The following VAV1 variants were observed in gnomAD, a reference collection of about 807,000 sequenced individuals.
The protein encoded by VAV1 is proto-oncogene vav.
Under a neutral mutation model 128.1 loss-of-function variants are expected in VAV1, and 33 were observed. The observed-to-expected ratio is 0.26, with a 90% CI of 0.20 to 0.34. The LOEUF (loss-of-function observed/expected upper bound fraction) is 0.34, where lower values mean the gene tolerates loss of function less well. Ranked by LOEUF, VAV1 falls within the 10% of genes least tolerant of loss-of-function variation. The pLI is 1.00. For synonymous variants in VAV1, 394 were observed against 409.8 expected (o/e 0.96, Z 0.47); for missense variants, 715 against 1,093.7 (o/e 0.65, Z 4.88).
At chr19:6,831,458 C>T (rs3786687) in intron 14 of VAV1, among the ~76,000 whole-genome samples, 21,646 of 152,008 alleles carry the variant, frequency 0.14, 1,705 homozygotes, top group South Asian at 0.21. Context: ...ATTACAGGTG[C>T]CCGCCACCAC....
intron 23 of VAV1, among the ~76,000 whole-genome samples, chr19:6,849,092 T>TA (rs1053059733): frequency 1.7e-4 from 15 of 87,574 alleles, no homozygotes; most frequent in African/African-American, 1.0e-3. Context: ...CACCTATATA[T>TA]TTTTTTTTTC....
rs771801566 is a variant in VAV1, at chr19:6,836,507, G to T, written c.1853G>T (p.Arg618Leu). 1.2e-6 allele frequency: 2 copies of T among 1,613,862 alleles called. No homozygotes were observed. The highest frequency in any genetic ancestry group is 1.3e-5 in the African/African-American group (1 of 74,848). ...PPPGAIGPFL[R>L]LNPGDIVELT... ...CCTGGAGCCATTGGACCCTTTCTAC[G>T]GCTCAACCCTGGAGACATTGTGGAG... Residue 618 changes from arginine (R) to leucine (L), a missense_variant, in exon 20 of 27, where the codon CGG becomes CTG. Coordinates refer to ENST00000602142, the MANE Select transcript of VAV1 (RefSeq NM_005428.4).
At chr19:6,802,801 CG>C (rs913293929) in intron 1 of VAV1, among the ~76,000 whole-genome samples, 4 of 152,080 alleles carry the variant, frequency 2.6e-5, no homozygotes, top group African/African-American at 7.2e-5. Context: ...CTGTGTGGTC[CG>C]GGATGGGCAG....
chr19:6,783,944 GGAGCGGGTTTCAGGAATGCAGGTCTA>G (rs888313531), intron 1 of VAV1, among the ~76,000 whole-genome samples: 21 of 151,982 alleles, frequency 1.4e-4, no homozygotes, highest in African/African-American at 4.8e-4. Context: ...ATGCAGGTAT[GGAGCGGGTTTCAGGAATGCAGGTCTA>G]GGGCCAGGCA....
At chr19:6,814,688 CTT>C (rs1971596745) in intron 1 of VAV1, among the ~76,000 whole-genome samples, 1 of 117,730 alleles carries the variant, frequency 8.5e-6, no homozygotes, top group African/African-American at 3.8e-5. Context: ...TTCTTTCTTT[CTT>C]TCTTTCTTTC....
In VAV1 at chr19:6,822,502, C is replaced by A; in HGVS notation, c.642C>A (p.Gly214=). The A allele has an allele frequency of 6.5e-7, 1 of 1,549,902 alleles. No individual in the cohort carries two copies. The highest frequency in any genetic ancestry group is 8.7e-7 in the Non-Finnish European group (1 of 1,148,760). Residue 214 remains glycine (G), a synonymous_variant, in exon 6 of 27, where the codon GGC becomes GGA. Coordinates refer to ENST00000602142, the MANE Select transcript of VAV1 (RefSeq NM_005428.4). The surrounding 1 kb of genome is among the most constrained non-coding windows in gnomAD (Gnocchi z 5.9). The part of the protein sequence containing the change: ...QTEEKYTDTL[G]SIQQHFLKPL... ...AGGAGAAGTACACTGACACGCTGGG[C>A]TCCATCCAGCAGGTGGGCGCCTCCC...
At chr19:6,775,180 TC>T (rs1970596714) in intron 1 of VAV1, among the ~76,000 whole-genome samples, 2 of 152,128 alleles carry the variant, frequency 1.3e-5, no homozygotes, top group African/African-American at 4.8e-5. Context: ...CCACAGCCCA[TC>T]CCAGCTTTGC....
chr19:6,821,775 C>G lies in VAV1; in HGVS notation c.381-16C>G. On this transcript the variant is annotated splice_polypyrimidine_tract_variant and intron_variant, in intron 3 of 26. Coordinates refer to ENST00000602142, the MANE Select transcript of VAV1 (RefSeq NM_005428.4). ...CAGCCCCCAGGCCCCTGGCTCACAC[C>G]CTCCTGACCCCCCAGGCCCTTCCCC... is the stretch of plus-strand genomic sequence containing the variant. 1 of 1,614,004 alleles carries G rather than the reference C, an allele frequency of 6.2e-7. No individual in the cohort carries two copies. The highest frequency in any genetic ancestry group is 8.5e-7 in the Non-Finnish European group (1 of 1,179,876).
chr19:6,820,629 T>G lies in VAV1; in HGVS notation c.205-73T>G. On this transcript the variant is annotated intron_variant, in intron 1 of 26. Coordinates refer to ENST00000602142, the MANE Select transcript of VAV1 (RefSeq NM_005428.4). This position sits in a 1 kb window ranked among gnomAD's most constrained non-coding sequence, Gnocchi z 4.4. The stretch of plus-strand genomic sequence containing the variant: ...TTCCCCTCCACACCAGTCCCCAAGC[T>G]AGGTGGCCTGGGGGTCAGTTTCTCC... 2 of 1,211,574 alleles carry G rather than the reference T, an allele frequency of 1.7e-6. No homozygotes were observed. The highest frequency in any genetic ancestry group is 2.4e-6 in the Non-Finnish European group (2 of 816,730). 75.1% of individuals were successfully genotyped at this position (1,211,574 alleles called of 1,614,324 possible). A position where few individuals can be genotyped will look rare whatever the true frequency, so the allele number is the denominator to read the frequency against.
chr19:6,854,441 G>A (rs1324057125), intron 26 of VAV1, among the ~76,000 whole-genome samples: 1 of 152,158 alleles, frequency 6.6e-6, no homozygotes, highest in African/African-American at 2.4e-5. Context: ...TGCCAGTCAC[G>A]GTGGCTCATG....
In VAV1 at chr19:6,830,853, C is replaced by T. The variant is rs572765036; in HGVS notation, c.1398+935C>T. On this transcript the variant is annotated intron_variant, in intron 14 of 26. Coordinates refer to ENST00000602142, the MANE Select transcript of VAV1 (RefSeq NM_005428.4). Reference sequence around the variant, plus strand: ...CTGTAATCCCAGTACTTTGGGAGGCCGAGGTGGGAGAATTGCTTGAGCCCA... The same window carrying T: ...CTGTAATCCCAGTACTTTGGGAGGCTGAGGTGGGAGAATTGCTTGAGCCCA... Among the ~76,000 whole-genome samples, 184 of 151,996 alleles carry T rather than the reference C, an allele frequency of 1.2e-3. 1 individual carries two copies. The highest frequency in any genetic ancestry group is 2.4e-4 in the Non-Finnish European group (16 of 67,974).
intron 1 of VAV1, among the ~76,000 whole-genome samples, chr19:6,803,439 C>T (rs1971316940): frequency 6.6e-6 from 1 of 152,152 alleles, no homozygotes; most frequent in Non-Finnish European, 1.5e-5. Context: ...TGGAAAGGTG[C>T]TTCTGCTCCA....
intron 1 of VAV1, among the ~76,000 whole-genome samples, chr19:6,791,424 C>A (rs1568286759): frequency 6.6e-6 from 1 of 151,704 alleles, no homozygotes; most frequent in Admixed American, 6.6e-5. Flanking sequence ...GGTCCTTGAG[C>A]TATCTCATCT....
intron 1 of VAV1, among the ~76,000 whole-genome samples, chr19:6,797,319 C>G (rs370802899): frequency 5.9e-5 from 9 of 151,806 alleles, no homozygotes; most frequent in African/African-American, 1.9e-4. Flanking sequence ...TTGCTTGGAG[C>G]CTTTTTACCC....
At chr19:6,792,073 C>A (rs1243006316) in intron 1 of VAV1, among the ~76,000 whole-genome samples, 1 of 152,022 alleles carries the variant, frequency 6.6e-6, no homozygotes, top group African/African-American at 2.4e-5. Context: ...GGTCCCTGAC[C>A]AGGTGTGGTG....
At chr19:6,844,762 T>C (rs949088048) in intron 22 of VAV1, among the ~76,000 whole-genome samples, 2 of 151,912 alleles carry the variant, frequency 1.3e-5, no homozygotes, top group Non-Finnish European at 2.9e-5. Context: ...GGGACCAGGG[T>C]GAGACCAGGG....
chr19:6,816,237 G>A (rs979559428), intron 1 of VAV1, among the ~76,000 whole-genome samples: 4 of 151,968 alleles, frequency 2.6e-5, no homozygotes, highest in Non-Finnish European at 5.9e-5. Context: ...AATCAGGATG[G>A]TCTCGATCTC....
intron 22 of VAV1, among the ~76,000 whole-genome samples, chr19:6,847,371 G>A (rs905355241): frequency 6.6e-5 from 10 of 152,044 alleles, no homozygotes; most frequent in African/African-American, 2.2e-4. Flanking sequence ...GTGGATTGGC[G>A]TGTTCTGGGC....
At chr19:6,841,664 C>T (rs1377064848) in intron 21 of VAV1, among the ~76,000 whole-genome samples, 2 of 151,284 alleles carry the variant, frequency 1.3e-5, no homozygotes, top group African/African-American at 2.4e-5. Flanking sequence ...TTAGTAGAGA[C>T]GGGGTTTTGC....
Sources: gnomAD v4.1 joint callset for allele counts (sites outside exome capture counted in the v4.1 genomes callset) on GRCh38, gnomAD v4.1.1 for gene constraint, Gnocchi (gnomAD v3.1) non-coding constraint, MANE v1.5 for transcripts, NCBI Gene and HGNC (gene_info 2026-07-23, HGNC 2026-07-21) for gene names.